PCDHGB3: variants seen among roughly 807,000 people sequenced by gnomAD.
PCDHGB3 encodes protocadherin gamma subfamily B, 3, also known as protocadherin gamma-B3.
A neutral mutation model predicts 59.2 loss-of-function variants in PCDHGB3; 40 were observed. The ratio of observed to expected loss-of-function variants is 0.68; its 90% CI spans 0.52 to 0.88. The LOEUF is 0.88. Ranked by LOEUF, PCDHGB3 falls within the 40% of genes least tolerant of loss-of-function variation. The pLI, the probability that PCDHGB3 is intolerant of heterozygous loss-of-function variation, is 0.00. For missense variants in PCDHGB3, 1,309 were observed against 1,187.9 expected, an observed-to-expected ratio of 1.10 and a Z score of -1.50; for synonymous variants, 581 against 503.6, an observed-to-expected ratio of 1.15 and a Z score of -2.06.
chr5:141,511,048 C>G lies in PCDHGB3; in HGVS notation c.2665C>G (p.Arg889Gly). The G allele has an allele frequency of 6.2e-7, 1 of 1,614,224 alleles. No homozygotes were observed. Among genetic ancestry groups the G allele is most frequent in the Non-Finnish European group, 8.5e-7 (1 of 1,180,028 alleles). ...QFTLQHVPDYRQNVYIPGSNA... is the reference protein window; with the variant it reads ...QFTLQHVPDYGQNVYIPGSNA... ...CACCCTGCAGCACGTGCCCGACTAC[C>G]GCCAGAATGTCTACATCCCAGGCAG... Residue 889 changes from arginine (R) to glycine (G), a missense_variant, in exon 4 of 4, where the codon CGC becomes GGC. Arg to Gly is a moderately radical substitution (Grantham distance 125, BLOSUM62 -2). Transcript: ENST00000576222.
intron 1 of PCDHGB3, among the ~76,000 whole-genome samples, chr5:141,469,859 A>C (rs2099213257): frequency 6.6e-6 from 1 of 152,080 alleles, no homozygotes; most frequent in Non-Finnish European, 1.5e-5. Context: ...GACCGGGTGC[A>C]ATGGCTCACG....
intron 1 of PCDHGB3, chr5:141,412,359 A>G (rs2095550851): frequency 6.6e-6 from 1 of 152,226 alleles, no homozygotes; most frequent in Non-Finnish European, 1.5e-5. Flanking sequence ...GTTTGTGATT[A>G]CCTGCTTAAT....
At chr5:141,410,418 T>C (rs2095390746) in intron 1 of PCDHGB3, 26 of 1,614,052 alleles carry the variant, frequency 1.6e-5, no homozygotes, top group Non-Finnish European at 2.2e-5. Context: ...GGACCTGTAG[T>C]TCCCCCCAAC....
intron 1 of PCDHGB3, chr5:141,427,726 T>C: frequency 8.7e-7 from 1 of 1,155,152 alleles, no homozygotes; most frequent in Non-Finnish European, 1.3e-6. Context: ...GACCTAGGGC[T>C]GAATGGCCAA....
chr5:141,420,415 T>A, intron 1 of PCDHGB3: 1 of 1,217,296 alleles, frequency 8.2e-7, no homozygotes, highest in Non-Finnish European at 1.1e-6. Context: ...TTATCATTAT[T>A]AAAACAAAAG....
intron 1 of PCDHGB3, among the ~76,000 whole-genome samples, chr5:141,452,350 A>G (rs1355934993): frequency 6.6e-6 from 1 of 152,212 alleles, no homozygotes; most frequent in Admixed American, 6.5e-5. Context: ...CCATTTATCC[A>G]AAAGCCTTGC....
At chr5:141,430,628 C>A in intron 1 of PCDHGB3, 2 of 798,952 alleles carry the variant, frequency 2.5e-6, no homozygotes, top group Non-Finnish European at 3.7e-6. Context: ...TAGGAATGAA[C>A]CATCCCTGGG....
intron 1 of PCDHGB3, chr5:141,433,012 G>A (rs1402902269): frequency 2.5e-6 from 4 of 1,614,054 alleles, no homozygotes; most frequent in Non-Finnish European, 3.4e-6. Flanking sequence ...CTTTCCTGCA[G>A]ACCTATTCCC....
At chr5:141,437,035 C>T (rs991186972) in intron 1 of PCDHGB3, among the ~76,000 whole-genome samples, 1 of 152,120 alleles carries the variant, frequency 6.6e-6, no homozygotes, top group Non-Finnish European at 1.5e-5. Context: ...AATGGATCAC[C>T]GAAACCAGAA....
rs2099622509 is a variant in PCDHGB3 at position 141,485,988 on chromosome 5, G to T, written c.2416-8819G>T. On this transcript the variant is annotated intron_variant, in intron 1 of 3. Coordinates refer to ENST00000576222, the MANE Select transcript of PCDHGB3 (RefSeq NM_018924.5). The surrounding 1 kb of genome is among the most constrained non-coding windows in gnomAD (Gnocchi z 5.7). The stretch of plus-strand genomic sequence containing the variant: ...CTCAATGCCTCAGACCCGGACCTGG[G>T]TCCCAGTGGTAACGTCACCTTTTAT... 16 of 1,614,188 alleles carry T rather than the reference G, an allele frequency of 9.9e-6. No homozygotes were observed. The highest frequency in any genetic ancestry group is 1.4e-5 in the Non-Finnish European group (16 of 1,180,038).
chr5:141,383,137 C>A (rs750687055), intron 1 of PCDHGB3: 1 of 1,614,112 alleles, frequency 6.2e-7, no homozygotes, highest in Non-Finnish European at 8.5e-7. Flanking sequence ...CCTGAACCAG[C>A]GCAGCGGCAG....
chr5:141,417,768 C>A lies in PCDHGB3; in HGVS notation c.2415+44959C>A, dbSNP rs1444250512. On this transcript the variant is annotated intron_variant, in intron 1 of 3. Coordinates refer to ENST00000576222, the MANE Select transcript of PCDHGB3 (RefSeq NM_018924.5). ...ATTGCCAGCTCCGAGACCCGGGACT[C>A]CTCCTGTCCTGGGCCGAATGCTCTT... is the stretch of plus-strand genomic sequence containing the variant. 1.3e-5 allele frequency: 19 copies of A among 1,451,358 alleles called. No individual in the cohort carries two copies. In the South Asian group the frequency reaches 1.7e-4, roughly 13 times the overall value. The allele number at this position is 1,451,358 out of a possible 1,614,324, so 89.9% of individuals were successfully genotyped here. A position where few individuals can be genotyped will look rare whatever the true frequency, so the allele number is the denominator to read the frequency against.
At chr5:141,395,437 G>T in intron 1 of PCDHGB3, 1 of 668,370 alleles carries the variant, frequency 1.5e-6, no homozygotes, top group Non-Finnish European at 2.4e-6. Context: ...TAAACGACTT[G>T]GAAAAGATTG....
chr5:141,386,970 C>T (rs767088472), intron 1 of PCDHGB3, among the ~76,000 whole-genome samples: 17 of 152,108 alleles, frequency 1.1e-4, no homozygotes, highest in Non-Finnish European at 2.1e-4. Flanking sequence ...ATCTCAGTGA[C>T]TTTGTGTTTT....
chr5:141,432,873 T>A lies in PCDHGB3; in HGVS notation c.2415+60064T>A, dbSNP rs753576338. ...GTGGCCGCGGTCTCCTGCGTCTTCCTGGCCTTCGTCATCTTGCTGCTGGCG... is the reference window on the plus strand; with the variant it reads ...GTGGCCGCGGTCTCCTGCGTCTTCCAGGCCTTCGTCATCTTGCTGCTGGCG... On this transcript the variant is annotated intron_variant, in intron 1 of 3. Transcript: ENST00000576222. This position sits in a 1 kb window ranked among gnomAD's most constrained non-coding sequence, Gnocchi z 6.0. 1.4e-5 allele frequency: 22 copies of A among 1,614,204 alleles called. No individual in the cohort carries two copies. The highest frequency in any genetic ancestry group is 3.3e-4 in the Middle Eastern group (2 of 6,062).
intron 1 of PCDHGB3, chr5:141,408,275 T>C: frequency 1.2e-6 from 2 of 1,611,874 alleles, no homozygotes; most frequent in Non-Finnish European, 1.7e-6. Flanking sequence ...GCTGCCTTTG[T>C]TCTACCCCAC....
At chr5:141,407,360 A>G (rs1024336863) in intron 1 of PCDHGB3, among the ~76,000 whole-genome samples, 1 of 152,232 alleles carries the variant, frequency 6.6e-6, no homozygotes, top group Non-Finnish European at 1.5e-5. Flanking sequence ...GGAAAACATA[A>G]CAGATATCCA....
At chr5:141,465,457 C>G (rs956070103) in intron 1 of PCDHGB3, among the ~76,000 whole-genome samples, 1 of 152,214 alleles carries the variant, frequency 6.6e-6, no homozygotes, top group Non-Finnish European at 1.5e-5. Context: ...AAAACTCTCA[C>G]CAAATTGCCC....
At position 141,384,552 on chromosome 5, in the gene PCDHGB3, C is replaced by A. The variant is rs752995629; in HGVS notation, c.2415+11743C>A. ...GCAGCAACATGTCACTGAGCCTGTTCGTGCTGGACCAGAATGACAACCCGC... is the reference window on the plus strand; with the variant it reads ...GCAGCAACATGTCACTGAGCCTGTTAGTGCTGGACCAGAATGACAACCCGC... On this transcript the variant is annotated intron_variant, in intron 1 of 3. Transcript: ENST00000576222. 1.4e-5 allele frequency: 22 copies of A among 1,614,148 alleles called. No individual in the cohort carries two copies. In the Admixed American group the frequency reaches 3.0e-4, roughly 22 times the overall value.
Sources: allele counts gnomAD v4.1 joint callset (sites outside exome capture counted in the v4.1 genomes callset), GRCh38; gene constraint gnomAD v4.1.1; non-coding constraint Gnocchi (gnomAD v3.1); transcripts MANE v1.5; gene names NCBI Gene and HGNC (gene_info 2026-07-23, HGNC 2026-07-21).